The following KLHL29 variants were observed in gnomAD, a reference collection of about 807,000 sequenced individuals.
KLHL29 encodes the protein kelch like family member 29.
A neutral mutation model predicts 80.4 loss-of-function variants in KLHL29; 21 were observed. The observed-to-expected ratio is 0.26, with a 90% CI of 0.19 to 0.38. The LOEUF (loss-of-function observed/expected upper bound fraction) is 0.38, where lower values mean the gene tolerates loss of function less well. Among genes scored for constraint, KLHL29 ranks in the 10% least tolerant of loss-of-function variants. The probability of loss-of-function intolerance (pLI) is 1.00; values close to 1 mark genes in which losing one functional copy is unlikely to be tolerated. For missense variants in KLHL29, 867 were observed against 1,223.9 expected, an observed-to-expected ratio of 0.71 and a Z score of 4.35; for synonymous variants, 511 against 526.8, an observed-to-expected ratio of 0.97 and a Z score of 0.41.
At chr2:23,668,328 G>T (rs1670610532) in intron 5 of KLHL29, 1 of 152,272 alleles carries the variant, frequency 6.6e-6, no homozygotes, top group Non-Finnish European at 1.5e-5. Context: ...CAGGCACTGG[G>T]GTGCAGAGAC....
chr2:23,550,701 G>A (rs1667101917), intron 2 of KLHL29, among the ~76,000 whole-genome samples: 2 of 152,238 alleles, frequency 1.3e-5, no homozygotes, highest in Admixed American at 1.3e-4. Context: ...AAAGCAAATT[G>A]CAAGAGCATT....
chr2:23,493,920 C>T (rs1665182457), intron 2 of KLHL29, among the ~76,000 whole-genome samples: 1 of 152,158 alleles, frequency 6.6e-6, no homozygotes, highest in South Asian at 2.1e-4. Context: ...GACTTTTAAA[C>T]TGCTCAAAAT....
chr2:23,628,168 C>G (rs1213245850), intron 3 of KLHL29, among the ~76,000 whole-genome samples: 1 of 152,132 alleles, frequency 6.6e-6, no homozygotes, highest in East Asian at 1.9e-4. Flanking sequence ...CATTGGCCTC[C>G]CAAAGGGCTG....
intron 1 of KLHL29, among the ~76,000 whole-genome samples, chr2:23,442,203 A>G (rs1294232663): frequency 6.6e-6 from 1 of 151,924 alleles, no homozygotes; most frequent in Non-Finnish European, 1.5e-5. Context: ...CAATCCTCCC[A>G]CCTCAGCCTT....
intron 1 of KLHL29, among the ~76,000 whole-genome samples, chr2:23,415,729 C>T (rs1327927291): frequency 6.6e-6 from 1 of 151,784 alleles, no homozygotes; most frequent in African/African-American, 2.4e-5. Flanking sequence ...CATAGACTCT[C>T]ACTCTGTTGC....
intron 1 of KLHL29, among the ~76,000 whole-genome samples, chr2:23,422,622 CTGTCTG>C (rs1479148646): frequency 6.7e-6 from 1 of 148,978 alleles, no homozygotes; most frequent in Middle Eastern, 3.4e-3. Context: ...GTGTGTGTCC[CTGTCTG>C]TGTCTGTGTT....
intron 1 of KLHL29, among the ~76,000 whole-genome samples, chr2:23,398,052 T>G (rs1434167309): frequency 1.3e-5 from 2 of 152,230 alleles, no homozygotes; most frequent in African/African-American, 4.8e-5. Context: ...ATTATGGCCA[T>G]TCTTCAAAAA....
chr2:23,691,213 A>C (rs1671576775), intron 6 of KLHL29: 1 of 206,976 alleles, frequency 4.8e-6, no homozygotes, highest in Non-Finnish European at 9.8e-6. Flanking sequence ...ATCAGAGGAT[A>C]TCTCTGGATT....
rs1005211795 is a variant in KLHL29 at position 23,423,305 on chromosome 2, C to T, written c.-154+37525C>T. Among the ~76,000 whole-genome samples, 8 of 152,312 alleles carry T rather than the reference C, an allele frequency of 5.3e-5. No individual in the cohort carries two copies. In the East Asian group the frequency reaches 7.8e-4, roughly 15 times the overall value. On this transcript the variant is annotated intron_variant, in intron 1 of 13. Coordinates refer to ENST00000486442, the MANE Select transcript of KLHL29 (RefSeq NM_052920.2). ...GCGTCTGCTGCGTGGTCAGCCTGGC[C>T]GACTGACCTCCCGGGCCTGACCTCC...
chr2:23,684,592 G>A lies in KLHL29; in HGVS notation c.1079+55G>A. The A allele has an allele frequency of 6.9e-7, 1 of 1,458,420 alleles. No individual in the cohort carries two copies. Among genetic ancestry groups the A allele is most frequent in the South Asian group, 1.4e-5 (1 of 71,270 alleles). The allele number at this position is 1,458,420 out of a possible 1,614,324, so 90.3% of individuals were successfully genotyped here. ...CTGTTCCTTTGTAGGACGCTTTTGT[G>A]TCGCTTTTCTCTTCCCCTCTCTTGC... On this transcript the variant is annotated intron_variant, in intron 6 of 13. Coordinates refer to ENST00000486442, the MANE Select transcript of KLHL29 (RefSeq NM_052920.2). This position sits in a 1 kb window ranked among gnomAD's most constrained non-coding sequence, Gnocchi z 4.4.
intron 1 of KLHL29, among the ~76,000 whole-genome samples, chr2:23,390,115 G>T (rs1558320603): frequency 6.6e-6 from 1 of 152,156 alleles, no homozygotes; most frequent in Non-Finnish European, 1.5e-5. Context: ...CTTTCTTCAA[G>T]GAAACCACTT....
At chr2:23,471,287 T>G (rs1664489547) in intron 1 of KLHL29, among the ~76,000 whole-genome samples, 2 of 152,190 alleles carry the variant, frequency 1.3e-5, no homozygotes, top group Admixed American at 6.5e-5. Flanking sequence ...CTAATTGGTT[T>G]CTCCTCTCTT....
intron 1 of KLHL29, among the ~76,000 whole-genome samples, chr2:23,472,247 AAG>A (rs1461530730): frequency 6.6e-6 from 1 of 152,122 alleles, no homozygotes; most frequent in Non-Finnish European, 1.5e-5. Flanking sequence ...CTTTCAAGGA[AAG>A]AGTTTCTGGT....
intron 2 of KLHL29, among the ~76,000 whole-genome samples, chr2:23,553,662 C>A (rs1446504321): frequency 6.6e-6 from 1 of 152,194 alleles, no homozygotes; most frequent in African/African-American, 2.4e-5. Flanking sequence ...TAAATGCAGA[C>A]GGACCTTGAT....
chr2:23,552,269 C>T (rs1016622172), intron 2 of KLHL29, among the ~76,000 whole-genome samples: 12 of 152,216 alleles, frequency 7.9e-5, no homozygotes, highest in African/African-American at 2.7e-4. Flanking sequence ...GCAGAAGAAA[C>T]TTCTGGCCAT....
intron 12 of KLHL29, 77 bp from the exon 13 acceptor site, chr2:23,703,642 A>G: frequency 6.9e-7 from 1 of 1,449,544 alleles, no homozygotes. Flanking sequence ...CCTTCCCTGG[A>G]GGGTCTTCTG....
At chr2:23,481,511 A>G (rs767902232) in intron 2 of KLHL29, among the ~76,000 whole-genome samples, 31 of 152,212 alleles carry the variant, frequency 2.0e-4, no homozygotes, top group Non-Finnish European at 4.4e-4. Context: ...GAAAGAGGGT[A>G]GGAGCCTCCT....
At position 23,547,455 on chromosome 2, in the gene KLHL29, C is replaced by T. The variant is rs79137704; in HGVS notation, c.-45-14697C>T. 3.5e-3 allele frequency among the ~76,000 whole-genome samples: 540 copies of T among 152,194 alleles called. 1 individual carries two copies. The highest frequency in any genetic ancestry group is 9.6e-3 in the African/African-American group (397 of 41,510). ...GCCCCACAGGTCACTTAAACCTTTA[C>T]GTTAATTAAACCCCTCCCTGCCTCA... On this transcript the variant is annotated intron_variant, in intron 2 of 13. Transcript: ENST00000486442.
chr2:23,665,618 C>T (rs988984094), intron 5 of KLHL29, among the ~76,000 whole-genome samples: 2 of 152,280 alleles, frequency 1.3e-5, no homozygotes, highest in African/African-American at 2.4e-5. Context: ...GCAGGCTGTA[C>T]GGGAAGCATG....
Sources: allele counts gnomAD v4.1 joint callset (sites outside exome capture counted in the v4.1 genomes callset), GRCh38; gene constraint gnomAD v4.1.1; non-coding constraint Gnocchi (gnomAD v3.1); transcripts MANE v1.5; gene names NCBI Gene and HGNC (gene_info 2026-07-23, HGNC 2026-07-21).